The following NAT10 variants were observed in gnomAD, a reference collection of about 807,000 sequenced individuals.
The protein encoded by NAT10 is RNA cytidine acetyltransferase.
NAT10 carries 109 observed loss-of-function variants against 132.2 expected under a neutral mutation model. The ratio of observed to expected loss-of-function variants is 0.82; its 90% CI spans 0.71 to 0.97. The LOEUF is 0.97. Ranked by LOEUF, NAT10 falls within the 50% of genes least tolerant of loss-of-function variation. NAT10 has a pLI of 0.00. For synonymous variants in NAT10, 479 were observed against 478.0 expected (o/e 1.00, Z -0.03); for missense variants, 1,184 against 1,263.4 (o/e 0.94, Z 0.95).
Position 34,108,313 on chromosome 11 carries a change from G to A in NAT10, c.88G>A (p.Gly30Arg). The A allele has an allele frequency of 6.2e-7, 1 of 1,613,964 alleles. No homozygotes were observed. Among genetic ancestry groups the A allele is most frequent in the East Asian group, 2.2e-5 (1 of 44,882 alleles). ...GCAAAGATCTCTCTTTGTTGTAGTT[G>A]GGGATCGAGGAAAAGATCAGGTATG... is the stretch of plus-strand genomic sequence containing the variant. Reference protein sequence around the residue: ...ERQRSLFVVVGDRGKDQVVIL... With the variant: ...ERQRSLFVVVRDRGKDQVVIL... Residue 30 changes from glycine (G) to arginine (R), a missense_variant, in exon 2 of 29, where the codon GGG becomes AGG. Coordinates refer to ENST00000257829, the MANE Select transcript of NAT10 (RefSeq NM_024662.3).
intron 1 of NAT10, chr11:34,106,251 A>G (rs1851592451): frequency 6.6e-6 from 1 of 152,216 alleles, no homozygotes; most frequent in Non-Finnish European, 1.5e-5. Flanking sequence ...TTTGTTTGCC[A>G]GTGCACCTAA....
rs1852304419 is a variant in NAT10, at chr11:34,140,494, C to T, written c.2514C>T (p.Ile838=). The stretch of plus-strand genomic sequence containing the variant: ...GGAATATGGTGGACTATCACCTCAT[C>T]ATGGACATGATCCCGGCCATCTCTC... The part of the protein sequence containing the change: ...YSRNMVDYHL[I]MDMIPAISRI... Residue 838 remains isoleucine (I), a synonymous_variant, in exon 24 of 29, where the codon ATC becomes ATT. Coordinates refer to ENST00000257829, the MANE Select transcript of NAT10 (RefSeq NM_024662.3). The T allele has an allele frequency of 6.2e-7, 1 of 1,614,204 alleles. No individual in the cohort carries two copies. The highest frequency in any genetic ancestry group is 8.5e-7 in the Non-Finnish European group (1 of 1,180,040).
At chr11:34,145,942 G>T in intron 28 of NAT10, 142 bp from the exon 29 acceptor site, 1 of 605,114 alleles carries the variant, frequency 1.7e-6, no homozygotes, top group East Asian at 2.9e-5. Context: ...GGTTTGCAGA[G>T]AACATTAATG....
At chr11:34,122,690 C>T (rs1165676190) in intron 9 of NAT10, 98 bp downstream of exon 9, 1 of 1,463,386 alleles carries the variant, frequency 6.8e-7, no homozygotes, top group Non-Finnish European at 9.3e-7. Context: ...GTTCCTAGTT[C>T]TGAGTTCTGA....
In NAT10 at chr11:34,115,818, G is replaced by C. The variant is rs760723280; in HGVS notation, c.496-5G>C. On this transcript the variant is annotated splice_polypyrimidine_tract_variant and splice_region_variant and intron_variant, in intron 5 of 28. Coordinates refer to ENST00000257829, the MANE Select transcript of NAT10 (RefSeq NM_024662.3). ...TTGTTAATGGATGTTGTCTTTCTTT[G>C]TTAGGATGTGCATTCCAGGTACAGA... The C allele has an allele frequency of 8.1e-6, 13 of 1,613,720 alleles. No individual in the cohort carries two copies. The highest frequency in any genetic ancestry group is 2.7e-5 in the African/African-American group (2 of 74,914).
intron 27 of NAT10, among the ~76,000 whole-genome samples, chr11:34,143,054 T>A (rs1374940976): frequency 6.6e-6 from 1 of 152,204 alleles, no homozygotes; most frequent in Non-Finnish European, 1.5e-5. Flanking sequence ...GAGGCACAGT[T>A]CAAGGGCTTG....
At chr11:34,143,377 C>G (rs544066822) in intron 27 of NAT10, 68 bp from the exon 28 acceptor site, 2 of 1,336,500 alleles carry the variant, frequency 1.5e-6, no homozygotes, top group South Asian at 2.6e-5. Context: ...TTGTCACTGT[C>G]GTTATTTTCT....
chr11:34,129,970 C>T (rs904584109), intron 12 of NAT10, among the ~76,000 whole-genome samples: 6 of 152,112 alleles, frequency 3.9e-5, no homozygotes, highest in African/African-American at 1.4e-4. Context: ...CTTGTGCTTA[C>T]TCTTTTTTCT....
chr11:34,143,389 T>C, intron 27 of NAT10, 56 bp from the exon 28 acceptor site: 1 of 1,453,396 alleles, frequency 6.9e-7, no homozygotes, highest in Non-Finnish European at 9.5e-7. Context: ...TTATTTTCTC[T>C]TAAGCAGTCC....
chr11:34,114,816 AGTT>A (rs1273271077), intron 5 of NAT10, among the ~76,000 whole-genome samples: 1 of 152,150 alleles, frequency 6.6e-6, no homozygotes, highest in Non-Finnish European at 1.5e-5. Flanking sequence ...AATGACCTAA[AGTT>A]ATTATTATTA....
At chr11:34,130,343 T>A (rs1222334734) in intron 12 of NAT10, among the ~76,000 whole-genome samples, 1 of 152,230 alleles carries the variant, frequency 6.6e-6, no homozygotes, top group East Asian at 1.9e-4. Flanking sequence ...AAACTGGAAA[T>A]GTTCTCAGTT....
At chr11:34,144,201 G>GA (rs1852393084) in intron 28 of NAT10, among the ~76,000 whole-genome samples, 1 of 152,170 alleles carries the variant, frequency 6.6e-6, no homozygotes, top group Non-Finnish European at 1.5e-5. Context: ...TTGGGAGGCC[G>GA]AGGTAGGAGG....
intron 25 of NAT10, 115 bp downstream of exon 25, chr11:34,141,323 A>G: frequency 8.0e-6 from 3 of 376,050 alleles, no homozygotes; most frequent in Non-Finnish European, 1.2e-5. Flanking sequence ...GCATCTCGTC[A>G]CACACACACA....
chr11:34,118,330 G>T, intron 7 of NAT10, 36 bp downstream of exon 7: 3 of 1,611,604 alleles, frequency 1.9e-6, no homozygotes, highest in Non-Finnish European at 2.5e-6. Context: ...TCTGGGGGAG[G>T]CTACGTTTTC....
In NAT10 at chr11:34,134,509, C is replaced by T. The variant is rs1452073090; in HGVS notation, c.1837-3C>T. On this transcript the variant is annotated splice_polypyrimidine_tract_variant and splice_region_variant and intron_variant, in intron 17 of 28. Coordinates refer to ENST00000257829, the MANE Select transcript of NAT10 (RefSeq NM_024662.3). ...AAGTTACTGGTTTGTGTCTCCCACA[C>T]AGTTCCAAGATCCAGACTTTGGTGG... is the stretch of plus-strand genomic sequence containing the variant. The T allele has an allele frequency of 6.2e-7, 1 of 1,614,186 alleles. No individual in the cohort carries two copies. Among genetic ancestry groups the T allele is most frequent in the Admixed American group, 1.7e-5 (1 of 60,016 alleles).
chr11:34,136,518 A>G, intron 19 of NAT10, 124 bp from the exon 20 acceptor site: 1 of 1,169,598 alleles, frequency 8.5e-7, no homozygotes, highest in Non-Finnish European at 1.2e-6. Flanking sequence ...AACCACAGCA[A>G]TAAACCAAGA....
At chr11:34,129,798 G>A (rs1200150559) in intron 12 of NAT10, among the ~76,000 whole-genome samples, 4 of 151,248 alleles carry the variant, frequency 2.6e-5, no homozygotes, top group East Asian at 1.9e-4. Context: ...TAGTGGAGAC[G>A]GGGTTTCACC....
At chr11:34,136,451 T>C (rs1333093992) in intron 19 of NAT10, among the ~76,000 whole-genome samples, 191 bp from the exon 20 acceptor site, 1 of 152,218 alleles carries the variant, frequency 6.6e-6, no homozygotes, top group Non-Finnish European at 1.5e-5. Flanking sequence ...TGTGATTCTA[T>C]GCATGTTGAG....
chr11:34,118,771 G>C (rs1205808748), intron 8 of NAT10, among the ~76,000 whole-genome samples: 6 of 152,114 alleles, frequency 3.9e-5, no homozygotes, highest in African/African-American at 1.4e-4. Flanking sequence ...AAAAGACGGA[G>C]TCTCACTCTG....
Sources: allele counts gnomAD v4.1 joint callset (sites outside exome capture counted in the v4.1 genomes callset), GRCh38; gene constraint gnomAD v4.1.1; transcripts MANE v1.5; gene names NCBI Gene and HGNC (gene_info 2026-07-23, HGNC 2026-07-21).